The following SLC6A11 variants were observed in gnomAD, a reference collection of about 807,000 sequenced individuals.
SLC6A11 encodes the protein sodium- and chloride-dependent GABA transporter 3.
Under a neutral mutation model 74.8 loss-of-function variants are expected in SLC6A11, and 25 were observed. That is an observed-to-expected ratio of 0.33 (90% CI 0.24 to 0.47). The LOEUF is 0.47. SLC6A11 is among the 20% of genes least tolerant of loss of function. The pLI, the probability that SLC6A11 is intolerant of heterozygous loss-of-function variation, is 1.00. For synonymous variants in SLC6A11, 330 were observed against 330.2 expected (o/e 1.00, Z 0.01); for missense variants, 574 against 837.0 (o/e 0.69, Z 3.88).
intron 5 of SLC6A11, among the ~76,000 whole-genome samples, chr3:10,847,271 G>A (rs986055266): frequency 6.6e-6 from 1 of 152,180 alleles, no homozygotes; most frequent in Non-Finnish European, 1.5e-5. Context: ...TGTCATCTGC[G>A]ATGTGGGGAC....
rs150807834 is a variant in SLC6A11 at position 10,903,700 on chromosome 3, C to T, written c.892-8390C>T. Among the ~76,000 whole-genome samples the T allele has an allele frequency of 5.3e-3, 801 of 152,296 alleles. 9 individuals carry two copies. The highest frequency in any genetic ancestry group is 0.018 in the African/African-American group (755 of 41,558). ...TGGGAGGGAATGAACGTTGACTAAG[C>T]ACCTGCTGCTCATGAGGGCTTCTGG... On this transcript the variant is annotated intron_variant, in intron 6 of 13. Transcript: ENST00000254488.
intron 6 of SLC6A11, among the ~76,000 whole-genome samples, chr3:10,904,929 G>A (rs1695284028): frequency 6.6e-6 from 1 of 152,198 alleles, no homozygotes; most frequent in Non-Finnish European, 1.5e-5. Context: ...CAAATTATGA[G>A]ATTGTGTACA....
intron 5 of SLC6A11, among the ~76,000 whole-genome samples, chr3:10,849,483 G>C (rs887711587): frequency 2.6e-5 from 4 of 152,062 alleles, no homozygotes; most frequent in African/African-American, 7.2e-5. Context: ...GACCAAGTCT[G>C]TTTTTGTTTA....
At chr3:10,872,600 G>T (rs929689261) in intron 5 of SLC6A11, among the ~76,000 whole-genome samples, 1 of 152,188 alleles carries the variant, frequency 6.6e-6, no homozygotes, top group African/African-American at 2.4e-5. Context: ...GTCGCTTGAA[G>T]CAGAAATTTC....
chr3:10,871,399 C>G (rs1408694398), intron 5 of SLC6A11, among the ~76,000 whole-genome samples: 1 of 152,180 alleles, frequency 6.6e-6, no homozygotes, highest in African/African-American at 2.4e-5. Flanking sequence ...TATTATGTAT[C>G]TGGAACACTT....
chr3:10,835,665 C>A (rs1694357252), intron 4 of SLC6A11, among the ~76,000 whole-genome samples: 1 of 152,328 alleles, frequency 6.6e-6, no homozygotes, highest in Non-Finnish European at 1.5e-5. Flanking sequence ...CAAGACCAGG[C>A]TTTGCCACCT....
chr3:10,858,036 G>GTTTTACAT, intron 5 of SLC6A11, among the ~76,000 whole-genome samples: 1 of 152,248 alleles, frequency 6.6e-6, no homozygotes, highest in East Asian at 1.9e-4. Context: ...TTTTCTCCAT[G>GTTTTACAT]TTTTACATTT....
At chr3:10,890,603 A>G (rs574473049) in intron 6 of SLC6A11, among the ~76,000 whole-genome samples, 25 of 152,210 alleles carry the variant, frequency 1.6e-4, no homozygotes, top group Non-Finnish European at 2.9e-4. Flanking sequence ...TTCCGCTCTA[A>G]ATCCCACGCT....
chr3:10,833,947 T>C (rs1694332554), intron 4 of SLC6A11, among the ~76,000 whole-genome samples: 1 of 152,244 alleles, frequency 6.6e-6, no homozygotes, highest in Non-Finnish European at 1.5e-5. Flanking sequence ...AGGTTCTTTC[T>C]ACATCCTGAT....
chr3:10,888,647 G>A (rs1328020246), intron 6 of SLC6A11, among the ~76,000 whole-genome samples: 2 of 152,212 alleles, frequency 1.3e-5, no homozygotes, highest in Non-Finnish European at 1.5e-5. Flanking sequence ...ATGAAATGGT[G>A]GTGTTTTCAC....
At chr3:10,849,840 C>T (rs1395528729) in intron 5 of SLC6A11, among the ~76,000 whole-genome samples, 9 of 128,406 alleles carry the variant, frequency 7.0e-5, no homozygotes, top group Admixed American at 1.7e-4. Flanking sequence ...AAACCCTTTT[C>T]GTTACTGTGT....
At chr3:10,845,844 A>G (rs1215805597) in intron 5 of SLC6A11, among the ~76,000 whole-genome samples, 1 of 152,190 alleles carries the variant, frequency 6.6e-6, no homozygotes, top group East Asian at 1.9e-4. Flanking sequence ...CAACTATAAA[A>G]TTGTGTCATT....
At chr3:10,892,001 C>T (rs1465998576) in intron 6 of SLC6A11, among the ~76,000 whole-genome samples, 1 of 152,278 alleles carries the variant, frequency 6.6e-6, no homozygotes, top group African/African-American at 2.4e-5. Flanking sequence ...GTTGCTATGA[C>T]TGGTTCCTGC....
At chr3:10,865,207 C>T (rs11714586) in intron 5 of SLC6A11, among the ~76,000 whole-genome samples, 41,320 of 152,156 alleles carry the variant, frequency 0.27, 6,052 homozygotes, top group South Asian at 0.47. Flanking sequence ...CCAATCCTCA[C>T]GACATCATTT....
At chr3:10,906,669 G>A (rs3821763) in intron 6 of SLC6A11, among the ~76,000 whole-genome samples, 9,216 of 152,186 alleles carry the variant, frequency 0.061, 319 homozygotes, top group East Asian at 0.085. Context: ...TGAACACTAC[G>A]CACTAACCAG....
At chr3:10,869,379 C>T (rs1206756396) in intron 5 of SLC6A11, among the ~76,000 whole-genome samples, 1 of 152,210 alleles carries the variant, frequency 6.6e-6, no homozygotes, top group Non-Finnish European at 1.5e-5. Context: ...AAATGGACCA[C>T]TCTGAGCCTC....
intron 5 of SLC6A11, among the ~76,000 whole-genome samples, chr3:10,873,908 CTATGCTATGCTACACTATCCTATGT>C (rs1234759401): frequency 2.0e-5 from 3 of 152,196 alleles, no homozygotes; most frequent in Non-Finnish European, 4.4e-5. Flanking sequence ...CTATCCTATG[CTATGCTATGCTACACTATCCTATGT>C]TATGCTATGC....
chr3:10,831,408 T>G (rs1160690857), intron 4 of SLC6A11, among the ~76,000 whole-genome samples: 1 of 152,148 alleles, frequency 6.6e-6, no homozygotes. Flanking sequence ...TTAGATAAAT[T>G]ATACAACTGC....
At chr3:10,861,771 G>C (rs893241388) in intron 5 of SLC6A11, among the ~76,000 whole-genome samples, 1 of 152,174 alleles carries the variant, frequency 6.6e-6, no homozygotes, top group Non-Finnish European at 1.5e-5. Context: ...GCTTTCAAGT[G>C]AGGTGAGAAC....
Sources: gnomAD v4.1 joint callset for allele counts (sites outside exome capture counted in the v4.1 genomes callset) on GRCh38, gnomAD v4.1.1 for gene constraint, MANE v1.5 for transcripts, NCBI Gene and HGNC (gene_info 2026-07-23, HGNC 2026-07-21) for gene names.